The following ATP2B3 variants were observed in gnomAD, a reference collection of about 807,000 sequenced individuals.
ATP2B3 encodes plasma membrane calcium-transporting ATPase 3.
A neutral mutation model predicts 70.8 loss-of-function variants in ATP2B3; 12 were observed. That is an observed-to-expected ratio of 0.17 (90% CI 0.11 to 0.27). ATP2B3 has a LOEUF of 0.27. Among genes scored for constraint, ATP2B3 ranks in the 10% least tolerant of loss-of-function variants. ATP2B3 has a pLI of 1.00. For missense variants in ATP2B3, 858 were observed against 1,118.5 expected, an observed-to-expected ratio of 0.77 and a Z score of 3.32; for synonymous variants, 460 against 497.8, an observed-to-expected ratio of 0.92 and a Z score of 1.01.
chrX:153,524,573 T>A (rs1248106867), intron 2 of ATP2B3, among the ~76,000 whole-genome samples: 4 of 111,755 alleles, frequency 3.6e-5, no homozygotes, highest in Non-Finnish European at 5.6e-5. Flanking sequence ...GAGGTGAGGA[T>A]CTAAGGTGCA....
intron 2 of ATP2B3, among the ~76,000 whole-genome samples, chrX:153,525,688 GC>G (rs1241982482): frequency 1.8e-5 from 2 of 112,429 alleles, no homozygotes; most frequent in Admixed American, 1.9e-4. Context: ...GCGGCTGCCA[GC>G]AGATGGTCCC....
intron 1 of ATP2B3, among the ~76,000 whole-genome samples, chrX:153,518,096 G>A (rs1556996710): frequency 9.0e-6 from 1 of 111,393 alleles, no homozygotes; most frequent in African/African-American, 3.2e-5. Context: ...GGCGGGCAGC[G>A]CCCCGCACCC....
chrX:153,543,615 TG>T (rs2124420022), intron 7 of ATP2B3, among the ~76,000 whole-genome samples: 1 of 112,260 alleles, frequency 8.9e-6, no homozygotes, highest in African/African-American at 3.2e-5. Context: ...CAACTGTGGG[TG>T]GTGGCCCTGC....
At position 153,518,497 on chromosome X, in the gene ATP2B3, C is replaced by T. The variant is rs1569532910; in HGVS notation, c.-181C>T. 2.7e-5 allele frequency among the ~76,000 whole-genome samples: 3 copies of T among 112,865 alleles called. No homozygotes were observed. The highest frequency in any genetic ancestry group is 5.6e-5 in the Non-Finnish European group (3 of 53,260). On this transcript the variant is annotated 5_prime_UTR_variant, in exon 2 of 22. Coordinates refer to ENST00000263519, the MANE Select transcript of ATP2B3 (RefSeq NM_001001344.3). ...AGCCAGCTTTTCCTGTGGCCGCCTGCGTTTTCTCACGGGTGAAAGCTCTGG... is the reference window on the plus strand; with the variant it reads ...AGCCAGCTTTTCCTGTGGCCGCCTGTGTTTTCTCACGGGTGAAAGCTCTGG...
intron 21 of ATP2B3, chrX:153,569,451 C>A: frequency 1.5e-6 from 1 of 661,068 alleles, no homozygotes; most frequent in Non-Finnish European, 2.4e-6. Context: ...CCTGTCCAAA[C>A]ATCGCCAGCT....
chrX:153,525,690 A>G (rs1556999509), intron 2 of ATP2B3, among the ~76,000 whole-genome samples: 2 of 112,279 alleles, frequency 1.8e-5, no homozygotes, highest in Non-Finnish European at 3.8e-5. Flanking sequence ...GGCTGCCAGC[A>G]GATGGTCCCA....
intron 2 of ATP2B3, among the ~76,000 whole-genome samples, chrX:153,520,317 C>T (rs782536061): frequency 1.1e-4 from 12 of 112,743 alleles, no homozygotes; most frequent in African/African-American, 2.9e-4. Flanking sequence ...CCAGGGGCTT[C>T]TGAGAGCTGA....
chrX:153,560,815 G>A lies in ATP2B3; in HGVS notation c.2979G>A (p.Glu993=), dbSNP rs782096077. ...NEINARKIHG[E]RNVFDGIFSN... ...TCAACGCCCGCAAGATCCACGGCGA[G>A]AGGAACGTGTTCGACGGCATCTTCA... Residue 993 remains glutamate, a synonymous_variant, in exon 19 of 22, where the codon GAG becomes GAA. Coordinates refer to ENST00000263519, the MANE Select transcript of ATP2B3 (RefSeq NM_001001344.3). The A allele has an allele frequency of 5.0e-6, 6 of 1,210,490 alleles. No individual in the cohort carries two copies. The highest frequency in any genetic ancestry group is 6.7e-6 in the Non-Finnish European group (6 of 895,340).
chrX:153,545,752 G>T (rs1164920129), intron 7 of ATP2B3, among the ~76,000 whole-genome samples: 2 of 112,302 alleles, frequency 1.8e-5, no homozygotes, highest in Non-Finnish European at 3.8e-5. Flanking sequence ...GAGCTGGTTT[G>T]CAGGGAGCAG....
chrX:153,554,346 T>C (rs931809542), intron 13 of ATP2B3, among the ~76,000 whole-genome samples: 1 of 113,031 alleles, frequency 8.8e-6, no homozygotes, highest in Admixed American at 9.2e-5. Flanking sequence ...AAGGCCACAC[T>C]TGGGGACAGG....
chrX:153,550,529 T>C (rs1026732401), intron 12 of ATP2B3, among the ~76,000 whole-genome samples: 3 of 111,889 alleles, frequency 2.7e-5, no homozygotes, highest in East Asian at 2.8e-4. Context: ...CCCAGCCTCA[T>C]GTGCTTCCTG....
At chrX:153,541,207 C>T in intron 3 of ATP2B3, 152 bp from the exon 4 acceptor site, 2 of 627,269 alleles carry the variant, frequency 3.2e-6, no homozygotes, top group Non-Finnish European at 4.9e-6. Context: ...AGGCTCCTGT[C>T]TAGAGGGAGA....
At chrX:153,540,211 C>T (rs954458265) in intron 3 of ATP2B3, among the ~76,000 whole-genome samples, 1 of 112,542 alleles carries the variant, frequency 8.9e-6, no homozygotes, top group Admixed American at 9.3e-5. Context: ...GCCTCAGTGG[C>T]CTTGTCTGCA....
intron 20 of ATP2B3, 141 bp from the exon 21 acceptor site, chrX:153,564,779 CT>C (rs1342978451): frequency 1.6e-6 from 1 of 639,301 alleles, no homozygotes. Flanking sequence ...ACTGCTCTAG[CT>C]TTACTCCCTT....
chrX:153,573,238 G>A (rs561968304), intron 21 of ATP2B3, among the ~76,000 whole-genome samples: 5 of 112,285 alleles, frequency 4.5e-5, no homozygotes, highest in African/African-American at 1.3e-4. Flanking sequence ...CATGAAAACC[G>A]TGTGGCCAAA....
chrX:153,569,053 G>T lies in ATP2B3; in HGVS notation c.3342+3950G>T, dbSNP rs941958143. 2.7e-5 allele frequency among the ~76,000 whole-genome samples: 3 copies of T among 112,549 alleles called. No homozygotes were observed. The South Asian group carries it at 1.1e-3, about 41-fold the overall frequency. ...GGACAAAGCGAAGCCACGGCTGCCAGTCGGTGGGAAAACCCCCTCCTCCGC... is the reference window on the plus strand; with the variant it reads ...GGACAAAGCGAAGCCACGGCTGCCATTCGGTGGGAAAACCCCCTCCTCCGC... On this transcript the variant is annotated intron_variant, in intron 21 of 21. Coordinates refer to ENST00000263519, the MANE Select transcript of ATP2B3 (RefSeq NM_001001344.3).
chrX:153,556,461 A>C, intron 15 of ATP2B3, 43 bp downstream of exon 15: 2 of 1,147,623 alleles, frequency 1.7e-6, no homozygotes, highest in Non-Finnish European at 2.3e-6. Flanking sequence ...GGCCAGCCCG[A>C]GGTTGTCTGC....
chrX:153,567,799 G>A (rs907210397), intron 21 of ATP2B3, among the ~76,000 whole-genome samples: 9 of 112,042 alleles, frequency 8.0e-5, no homozygotes, highest in Admixed American at 4.7e-4. Context: ...ACTCTTCCAC[G>A]GGCTCCTGAC....
intron 9 of ATP2B3, 67 bp downstream of exon 9, chrX:153,548,066 G>A: frequency 8.8e-7 from 1 of 1,133,025 alleles, no homozygotes; most frequent in Non-Finnish European, 1.2e-6. Flanking sequence ...GGCTCCTGGA[G>A]ATGAGCCCAG....
Sources: allele counts gnomAD v4.1 joint callset (sites outside exome capture counted in the v4.1 genomes callset), GRCh38; gene constraint gnomAD v4.1.1; transcripts MANE v1.5; gene names NCBI Gene and HGNC (gene_info 2026-07-23, HGNC 2026-07-21).